ST6GALNAC5: variants seen among roughly 807,000 people sequenced by gnomAD.
ST6GALNAC5 encodes the protein ST6 N-acetylgalactosaminide alpha-2,6-sialyltransferase 5.
ST6GALNAC5 carries 27 observed loss-of-function variants against 33.6 expected under a neutral mutation model. The ratio of observed to expected loss-of-function variants is 0.80; its 90% CI spans 0.59 to 1.11. ST6GALNAC5 has a LOEUF of 1.11. Ranked by LOEUF, ST6GALNAC5 falls within the 50% of genes least tolerant of loss-of-function variation. The probability of loss-of-function intolerance (pLI) is 0.00; values close to 1 mark genes in which losing one functional copy is unlikely to be tolerated. For synonymous variants in ST6GALNAC5, 194 were observed against 171.2 expected (o/e 1.13, Z -1.04); for missense variants, 428 against 454.0 (o/e 0.94, Z 0.52).
chr1:77,015,720 G>C (rs552831681), intron 2 of ST6GALNAC5, among the ~76,000 whole-genome samples: 1 of 151,996 alleles, frequency 6.6e-6, no homozygotes, highest in African/African-American at 2.4e-5. Flanking sequence ...CAAGGTCTGT[G>C]CTGAGGAAAT....
At chr1:76,968,389 A>G (rs1028708916) in intron 2 of ST6GALNAC5, among the ~76,000 whole-genome samples, 1 of 152,056 alleles carries the variant, frequency 6.6e-6, no homozygotes, top group African/African-American at 2.4e-5. Context: ...GTTTTATCAG[A>G]GACTAGGATT....
chr1:77,053,181 T>C (rs892215619), intron 4 of ST6GALNAC5, among the ~76,000 whole-genome samples: 7 of 152,168 alleles, frequency 4.6e-5, no homozygotes, highest in Non-Finnish European at 8.8e-5. Flanking sequence ...ATTCCCTCTT[T>C]TATCTTTATT....
At chr1:76,944,572 G>T (rs545442623) in intron 2 of ST6GALNAC5, among the ~76,000 whole-genome samples, 1 of 152,032 alleles carries the variant, frequency 6.6e-6, no homozygotes, top group Admixed American at 6.6e-5. Context: ...CCCAGTGCTG[G>T]TATGTACTCT....
chr1:76,955,649 T>A (rs938648767), intron 2 of ST6GALNAC5, among the ~76,000 whole-genome samples: 11 of 152,308 alleles, frequency 7.2e-5, no homozygotes, highest in African/African-American at 2.6e-4. Flanking sequence ...AGGTTATTAT[T>A]AATCAATGTT....
intron 2 of ST6GALNAC5, among the ~76,000 whole-genome samples, chr1:76,960,482 A>T (rs1358896230): frequency 6.6e-6 from 1 of 152,170 alleles, no homozygotes; most frequent in Non-Finnish European, 1.5e-5. Flanking sequence ...ACGCATTGTC[A>T]TTGATAACAT....
intron 2 of ST6GALNAC5, among the ~76,000 whole-genome samples, chr1:77,012,343 A>T (rs961625477): frequency 1.3e-5 from 2 of 152,230 alleles, no homozygotes; most frequent in African/African-American, 4.8e-5. Context: ...TCAGTTGCTG[A>T]CATGAGTATG....
At chr1:77,032,555 G>A (rs1557768186) in intron 2 of ST6GALNAC5, among the ~76,000 whole-genome samples, 1 of 152,126 alleles carries the variant, frequency 6.6e-6, no homozygotes, top group South Asian at 2.1e-4. Context: ...CTTTATATCT[G>A]TAACAATTGA....
intron 2 of ST6GALNAC5, among the ~76,000 whole-genome samples, chr1:76,978,248 C>T (rs1033339832): frequency 2.0e-5 from 3 of 152,158 alleles, no homozygotes; most frequent in Non-Finnish European, 4.4e-5. Flanking sequence ...ATAGTTCACA[C>T]ATACTTTCTC....
At chr1:76,878,597 A>G (rs1653704326) in intron 2 of ST6GALNAC5, among the ~76,000 whole-genome samples, 1 of 152,194 alleles carries the variant, frequency 6.6e-6, no homozygotes, top group Non-Finnish European at 1.5e-5. Flanking sequence ...AAAAAGAGTC[A>G]CTGCATAAAT....
intron 2 of ST6GALNAC5, among the ~76,000 whole-genome samples, chr1:77,043,725 TA>T (rs1331615290): frequency 6.6e-6 from 1 of 152,190 alleles, no homozygotes; most frequent in African/African-American, 2.4e-5. Context: ...GCATCACAAC[TA>T]GTGTCACAGC....
chr1:76,918,346 G>A (rs761343726), intron 2 of ST6GALNAC5, among the ~76,000 whole-genome samples: 5 of 151,240 alleles, frequency 3.3e-5, no homozygotes, highest in Admixed American at 1.3e-4. Context: ...CAGGCCAGGC[G>A]CAGTGACTCA....
intron 2 of ST6GALNAC5, among the ~76,000 whole-genome samples, chr1:77,008,875 T>C (rs1650524439): frequency 6.6e-6 from 1 of 152,206 alleles, no homozygotes; most frequent in Admixed American, 6.5e-5. Context: ...TACAGTTACA[T>C]CACCACAAAC....
intron 2 of ST6GALNAC5, among the ~76,000 whole-genome samples, chr1:76,970,232 G>C (rs1173324599): frequency 6.6e-6 from 1 of 152,076 alleles, no homozygotes; most frequent in Non-Finnish European, 1.5e-5. Context: ...ATAGGCTTCA[G>C]AAGGTCGGTA....
At chr1:76,921,812 C>T (rs1418145652) in intron 2 of ST6GALNAC5, among the ~76,000 whole-genome samples, 4 of 152,056 alleles carry the variant, frequency 2.6e-5, no homozygotes, top group Non-Finnish European at 2.9e-5. Context: ...AGCACCCATT[C>T]GTGATAAAAG....
chr1:76,945,440 C>T (rs959540725), intron 2 of ST6GALNAC5, among the ~76,000 whole-genome samples: 1 of 152,004 alleles, frequency 6.6e-6, no homozygotes, highest in Admixed American at 6.6e-5. Context: ...AACGATGAAC[C>T]AAAGTCATAA....
In ST6GALNAC5 at chr1:76,871,220, A is replaced by G. The variant is rs553749224; in HGVS notation, c.261+2478A>G. On this transcript the variant is annotated intron_variant, in intron 2 of 4. Coordinates refer to ENST00000477717, the MANE Select transcript of ST6GALNAC5 (RefSeq NM_030965.3). ...ATGAAAGCCTTTCTATTCTTATTAT[A>G]TTGCCAGATGATACTCGATTGCTAA... The G allele has an allele frequency of 2.6e-5, 4 of 152,302 alleles. No homozygotes were observed. In the East Asian group the frequency reaches 7.7e-4, roughly 29 times the overall value. 9.4% of individuals were successfully genotyped at this position (152,302 alleles called of 1,614,324 possible).
intron 2 of ST6GALNAC5, among the ~76,000 whole-genome samples, chr1:77,029,111 G>A (rs1651355494): frequency 6.6e-6 from 1 of 152,128 alleles, no homozygotes; most frequent in Non-Finnish European, 1.5e-5. Context: ...CCCTCTTTAG[G>A]GATGAGGGGG....
At chr1:76,906,565 G>C (rs1344777481) in intron 2 of ST6GALNAC5, among the ~76,000 whole-genome samples, 1 of 152,076 alleles carries the variant, frequency 6.6e-6, no homozygotes. Flanking sequence ...TTATTAAATA[G>C]TACTCCTTCT....
chr1:77,052,469 T>C (rs1350428765), intron 4 of ST6GALNAC5, among the ~76,000 whole-genome samples: 1 of 152,116 alleles, frequency 6.6e-6, no homozygotes, highest in African/African-American at 2.4e-5. Flanking sequence ...CAGGTCATGG[T>C]GAGAATTAAA....
Sources: gnomAD v4.1 joint callset for allele counts (sites outside exome capture counted in the v4.1 genomes callset) on GRCh38, gnomAD v4.1.1 for gene constraint, MANE v1.5 for transcripts, NCBI Gene and HGNC (gene_info 2026-07-23, HGNC 2026-07-21) for gene names.